Variants in SLC35F4 observed in about 807,000 individuals in gnomAD.
SLC35F4 encodes the protein chromosome 14 open reading frame 36.
A neutral mutation model predicts 44.2 loss-of-function variants in SLC35F4; 24 were observed. The observed-to-expected ratio is 0.54, with a 90% confidence interval of 0.39 to 0.76. The LOEUF is 0.76. Ranked by LOEUF, SLC35F4 falls within the 30% of genes least tolerant of loss-of-function variation. SLC35F4 has a pLI of 0.00. For missense variants in SLC35F4, 562 were observed against 586.1 expected (o/e 0.96, Z 0.42); for synonymous variants, 238 against 223.6 (o/e 1.06, Z -0.57).
chr14:57,974,651 T>G (rs1246543456), downstream of SLC35F4, among the ~76,000 whole-genome samples: 1 of 152,128 alleles, frequency 6.6e-6, no homozygotes, highest in Non-Finnish European at 1.5e-5. Flanking sequence ...CTCTGGGTGG[T>G]TCCTGTGGGA....
At chr14:57,737,593 A>C (rs1009954457) in intron 1 of SLC35F4, among the ~76,000 whole-genome samples, 2 of 152,228 alleles carry the variant, frequency 1.3e-5, no homozygotes, top group Admixed American at 1.3e-4. Flanking sequence ...TGTGGACGTA[A>C]GTACTCACCA....
At chr14:57,575,059 T>C (rs1215975519) in intron 4 of SLC35F4, among the ~76,000 whole-genome samples, 1 of 152,090 alleles carries the variant, frequency 6.6e-6, no homozygotes, top group Non-Finnish European at 1.5e-5. Context: ...TTAACATCCA[T>C]GAGAGGAATT....
intron 1 of SLC35F4, among the ~76,000 whole-genome samples, chr14:57,810,482 C>G (rs1430045880): frequency 1.3e-5 from 2 of 152,138 alleles, no homozygotes; most frequent in African/African-American, 4.8e-5. Context: ...GGACAGGGAG[C>G]CCCTCAAAAT....
intron 1 of SLC35F4, among the ~76,000 whole-genome samples, chr14:57,741,376 A>G (rs2076602913): frequency 6.6e-6 from 1 of 152,164 alleles, no homozygotes; most frequent in Admixed American, 6.5e-5. Flanking sequence ...TAGAATAAAC[A>G]GCCTAGAGAA....
At chr14:57,640,682 T>C (rs550917030) in intron 1 of SLC35F4, among the ~76,000 whole-genome samples, 28 of 152,126 alleles carry the variant, frequency 1.8e-4, no homozygotes, top group African/African-American at 6.7e-4. Context: ...ATACAGCAAG[T>C]ATAGTCACAC....
Position 57,581,256 on chromosome 14 carries a change from C to T in SLC35F4, c.765G>A (p.Leu255=). ...LFCCNKAFVF[L]LSWIVLKDRF... is the part of the protein sequence containing the mutation. Reference sequence around the variant, plus strand: ...TGTCTTTCAGCACAATCCATGACAGCAAGAAGACAAAGGCTTTGTTACAAC... The same window carrying T: ...TGTCTTTCAGCACAATCCATGACAGTAAGAAGACAAAGGCTTTGTTACAAC... The change falls in exon 4 of 8, where the codon TTG becomes TTA. Residue 255 remains leucine, a synonymous_variant. Coordinates refer to ENST00000556826, the MANE Select transcript of SLC35F4 (RefSeq NM_001306087.2). 1.9e-6 allele frequency: 3 copies of T among 1,606,626 alleles called. No homozygotes were observed. The South Asian group carries it at 3.3e-5, about 18-fold the overall frequency.
intron 1 of SLC35F4, among the ~76,000 whole-genome samples, chr14:57,779,700 C>G (rs1299589338): frequency 6.6e-6 from 1 of 152,082 alleles, no homozygotes; most frequent in Non-Finnish European, 1.5e-5. Flanking sequence ...ACTGGCAAAG[C>G]AAATCCAGCA....
intron 1 of SLC35F4, among the ~76,000 whole-genome samples, chr14:57,727,860 C>A (rs1212306739): frequency 6.6e-6 from 1 of 152,122 alleles, no homozygotes; most frequent in Non-Finnish European, 1.5e-5. Flanking sequence ...TATTGTGCAG[C>A]CATTGGATGA....
chr14:57,798,862 A>G (rs1405530885), intron 1 of SLC35F4, among the ~76,000 whole-genome samples: 1 of 152,198 alleles, frequency 6.6e-6, no homozygotes, highest in Non-Finnish European at 1.5e-5. Flanking sequence ...TAAAAACTAG[A>G]TAGAGAGAAG....
At chr14:57,603,352 C>T (rs1165242740) in intron 1 of SLC35F4, among the ~76,000 whole-genome samples, 1 of 152,178 alleles carries the variant, frequency 6.6e-6, no homozygotes, top group Non-Finnish European at 1.5e-5. Context: ...ACATGGCTAT[C>T]TTAGACTTCT....
At chr14:57,740,967 C>A (rs1353537522) in intron 1 of SLC35F4, among the ~76,000 whole-genome samples, 1 of 152,180 alleles carries the variant, frequency 6.6e-6, no homozygotes, top group Non-Finnish European at 1.5e-5. Flanking sequence ...CCCAGGCAAA[C>A]AGGGTCTCGA....
intron 1 of SLC35F4, among the ~76,000 whole-genome samples, chr14:57,968,037 T>C (rs1284505302): frequency 2.0e-5 from 3 of 152,234 alleles, no homozygotes; most frequent in African/African-American, 7.2e-5. Context: ...CTTTGACTTA[T>C]AACCTTGAGA....
intron 1 of SLC35F4, among the ~76,000 whole-genome samples, chr14:57,933,257 A>T (rs1889733575): frequency 6.6e-6 from 1 of 152,024 alleles, no homozygotes; most frequent in South Asian, 2.1e-4. Context: ...TCCTGACCTC[A>T]GGTGATCTGC....
chr14:57,940,840 T>G (rs1416486364), intron 1 of SLC35F4, among the ~76,000 whole-genome samples: 1 of 152,158 alleles, frequency 6.6e-6, no homozygotes, highest in Non-Finnish European at 1.5e-5. Context: ...TTCCATGATC[T>G]CAGGCCCCAC....
intron 1 of SLC35F4, among the ~76,000 whole-genome samples, chr14:57,936,338 G>A (rs529948494): frequency 1.1e-4 from 16 of 152,252 alleles, no homozygotes; most frequent in Non-Finnish European, 2.1e-4. Context: ...TAAACATATC[G>A]TGACAACCTC....
At chr14:57,591,485 G>A (rs2070176081) in intron 2 of SLC35F4, among the ~76,000 whole-genome samples, 1 of 152,202 alleles carries the variant, frequency 6.6e-6, no homozygotes, top group South Asian at 2.1e-4. Context: ...TAAGAGGATA[G>A]AGAATCTTGT....
At chr14:57,912,858 A>G (rs1249309538) in intron 1 of SLC35F4, among the ~76,000 whole-genome samples, 1 of 152,018 alleles carries the variant, frequency 6.6e-6, no homozygotes, top group African/African-American at 2.4e-5. Flanking sequence ...ATTTCTGATG[A>G]ATATTAAAGT....
intron 1 of SLC35F4, among the ~76,000 whole-genome samples, chr14:57,840,509 A>G (rs1885384337): frequency 6.6e-6 from 1 of 152,244 alleles, no homozygotes; most frequent in Admixed American, 6.5e-5. Flanking sequence ...GGAAAAAAGT[A>G]CAAGCTATAC....
chr14:57,731,416 G>A (rs1442341864), intron 1 of SLC35F4, among the ~76,000 whole-genome samples: 1 of 152,180 alleles, frequency 6.6e-6, no homozygotes, highest in Non-Finnish European at 1.5e-5. Flanking sequence ...CCTACTGAGA[G>A]GGTTCTTCAT....
Sources: gnomAD v4.1 joint callset for allele counts (sites outside exome capture counted in the v4.1 genomes callset) on GRCh38, gnomAD v4.1.1 for gene constraint, MANE v1.5 for transcripts, NCBI Gene and HGNC (gene_info 2026-07-23, HGNC 2026-07-21) for gene names.